CACNA1C: variants seen among roughly 807,000 people sequenced by gnomAD.
CACNA1C encodes the protein voltage-dependent L-type calcium channel subunit alpha-1C.
Under a neutral mutation model 229.0 loss-of-function variants are expected in CACNA1C, and 30 were observed. That is an observed-to-expected ratio of 0.13 (90% CI 0.10 to 0.18). The LOEUF (loss-of-function observed/expected upper bound fraction) is 0.18. CACNA1C is among the 10% of genes least tolerant of loss of function. The pLI, the probability that CACNA1C is intolerant of heterozygous loss-of-function variation, is 1.00. For synonymous variants in CACNA1C, 1,114 were observed against 1,132.5 expected (o/e 0.98, Z 0.33); for missense variants, 1,658 against 2,845.0 (o/e 0.58, Z 9.49).
chr12:2,561,863 G>A (rs973473812), intron 11 of CACNA1C, among the ~76,000 whole-genome samples: 9 of 152,146 alleles, frequency 5.9e-5, no homozygotes, highest in African/African-American at 2.2e-4. Flanking sequence ...TGAATAGCAG[G>A]CAAATTTCTC....
chr12:2,585,448 T>A lies in CACNA1C; in HGVS notation c.2412T>A (p.Ile804=), dbSNP rs1568589524. 1 of 1,598,504 alleles carries A rather than the reference T, an allele frequency of 6.3e-7. No homozygotes were observed. Among genetic ancestry groups the A allele is most frequent in the Non-Finnish European group, 8.5e-7 (1 of 1,171,994 alleles). ...PAVGESKEEK[I]ELKSITADGE... ...TGGGGGAATCCAAGGAGGAGAAGATTGAGCTGAAATCCATCACGGCTGACG... is the reference window on the plus strand; with the variant it reads ...TGGGGGAATCCAAGGAGGAGAAGATAGAGCTGAAATCCATCACGGCTGACG... Residue 804 remains isoleucine, a synonymous_variant, in exon 17 of 47, where the codon ATT becomes ATA. Transcript: ENST00000399655. This position sits in a 1 kb window ranked among gnomAD's most constrained non-coding sequence, Gnocchi z 4.1.
chr12:2,018,280 A>C (rs1450906250), intron 1 of CACNA1C: 1 of 152,270 alleles, frequency 6.6e-6, no homozygotes, highest in Non-Finnish European at 1.5e-5. Context: ...CAACCTTGAG[A>C]GCAAAGGGAA....
intron 9 of CACNA1C, among the ~76,000 whole-genome samples, chr12:2,526,988 TAAAAG>T (rs1306927285): frequency 6.6e-6 from 1 of 152,260 alleles, no homozygotes; most frequent in South Asian, 2.1e-4. Flanking sequence ...TGAATTTTGA[TAAAAG>T]AGAAATTTAA....
At chr12:2,106,734 A>T in intron 1 of CACNA1C, among the ~76,000 whole-genome samples, 1 of 121,512 alleles carries the variant, frequency 8.2e-6, no homozygotes, top group Non-Finnish European at 1.7e-5. Context: ...GGGCGTCCTG[A>T]AGCCACTGGG....
At chr12:2,388,906 G>T (rs1361475088) in intron 3 of CACNA1C, among the ~76,000 whole-genome samples, 1 of 152,194 alleles carries the variant, frequency 6.6e-6, no homozygotes, top group Non-Finnish European at 1.5e-5. Flanking sequence ...GAGTCACTTA[G>T]AAATTCAGTT....
At chr12:2,485,844 C>T (rs2099695484) in intron 5 of CACNA1C, among the ~76,000 whole-genome samples, 1 of 152,166 alleles carries the variant, frequency 6.6e-6, no homozygotes, top group South Asian at 2.1e-4. Context: ...ATGGAAACAA[C>T]ATGTTCTTCC....
rs891578089 is a variant in CACNA1C at position 1,991,550 on chromosome 12, C to CT, written c.139+20359dup. 2,028 of 223,134 alleles carry CT rather than the reference C, an allele frequency of 9.1e-3. 8 individuals carry two copies. The highest frequency in any genetic ancestry group is 0.017 in the African/African-American group (709 of 41,362). The allele number at this position is 223,134 out of a possible 1,614,324, so 13.8% of individuals were successfully genotyped here. A position where few individuals can be genotyped will look rare whatever the true frequency, so the allele number is the denominator to read the frequency against. On this transcript the variant is annotated intron_variant, in intron 1 of 46. Transcript: ENST00000682462. ...AATAATTAATAATTGAGGTTTTTTCCTTTTTTTTTTGCACTGTCTGACAGT... is the reference window on the plus strand; with the variant it reads ...AATAATTAATAATTGAGGTTTTTTCCTTTTTTTTTTTGCACTGTCTGACAGT...
chr12:2,439,187 G>A (rs1350764547), intron 3 of CACNA1C, among the ~76,000 whole-genome samples: 1 of 152,202 alleles, frequency 6.6e-6, no homozygotes, highest in African/African-American at 2.4e-5. Context: ...GAGGTCAGTG[G>A]AGAAGGGGCT....
chr12:2,438,374 G>GTGATGGTGGTGGTGT (rs2099175497), intron 3 of CACNA1C, among the ~76,000 whole-genome samples: 1 of 146,252 alleles, frequency 6.8e-6, no homozygotes, highest in African/African-American at 2.5e-5. Flanking sequence ...GGTGGTGGTG[G>GTGATGGTGGTGGTGT]TGATGGTGGT....
At chr12:2,241,216 G>A (rs944026564) in intron 3 of CACNA1C, among the ~76,000 whole-genome samples, 2 of 151,990 alleles carry the variant, frequency 1.3e-5, no homozygotes, top group African/African-American at 2.4e-5. Flanking sequence ...ATGTCCCCGC[G>A]CTGGCCTGGC....
Position 2,597,558 on chromosome 12 carries a change from C to A in CACNA1C, c.2853+269C>A. The A allele has an allele frequency of 9.4e-7, 1 of 1,065,082 alleles. No individual in the cohort carries two copies. Among genetic ancestry groups the A allele is most frequent in the Non-Finnish European group, 1.5e-6 (1 of 684,276 alleles). The allele number at this position is 1,065,082 out of a possible 1,614,324, so 66.0% of individuals were successfully genotyped here. On this transcript the variant is annotated intron_variant, in intron 21 of 46. Transcript: ENST00000399655. This position sits in a 1 kb window ranked among gnomAD's most constrained non-coding sequence, Gnocchi z 4.3. ...CTTTGTCTATCTCTGCTCTGTGTGG[C>A]TGGATCTTTTGTCTTTTCTGTTTCT...
chr12:2,435,897 C>T (rs1475410676), intron 3 of CACNA1C, among the ~76,000 whole-genome samples: 3 of 152,202 alleles, frequency 2.0e-5, no homozygotes, highest in Non-Finnish European at 4.4e-5. Context: ...TACCAACATC[C>T]CAAACGAGCA....
intron 5 of CACNA1C, among the ~76,000 whole-genome samples, chr12:2,471,450 T>G (rs2099591942): frequency 6.6e-6 from 1 of 152,246 alleles, no homozygotes; most frequent in African/African-American, 2.4e-5. Flanking sequence ...CAAGTTCCCT[T>G]CTGGTATCAT....
rs2098801056 is a variant in CACNA1C, at chr12:2,410,969, T to TGG, written c.478-38006_478-38005insGG. On this transcript the variant is annotated intron_variant, in intron 3 of 46. Transcript: ENST00000399655. This position sits in a 1 kb window ranked among gnomAD's most constrained non-coding sequence, Gnocchi z 5.3. ...CTCATCTTTCTCTCCCTACTCCCCT[T>TGG]GCAGCATGAGAGGCCCAGTACCTGT... Among the ~76,000 whole-genome samples, 1 of 152,026 alleles carries TGG rather than the reference T, an allele frequency of 6.6e-6. No homozygotes were observed. The highest frequency in any genetic ancestry group is 6.6e-5 in the Admixed American group (1 of 15,236).
rs111557647 is a variant in CACNA1C, at chr12:2,394,282, C to T, written c.478-54694C>T. 5.1e-3 allele frequency among the ~76,000 whole-genome samples: 770 copies of T among 152,284 alleles called. 4 individuals carry two copies. Among genetic ancestry groups the T allele is most frequent in the South Asian group, 0.028 (134 of 4,814 alleles). ...TCTGGTATGGACGCAGGAGCTGGTC[C>T]CTGGCCCACAGGAGAAACTTGGACA... On this transcript the variant is annotated intron_variant, in intron 3 of 46. Coordinates refer to ENST00000399655, the MANE Select transcript of CACNA1C (RefSeq NM_000719.7).
At chr12:2,179,662 C>A (rs552688367) in intron 3 of CACNA1C, among the ~76,000 whole-genome samples, 4 of 152,226 alleles carry the variant, frequency 2.6e-5, no homozygotes, top group African/African-American at 9.6e-5. Context: ...AGAAGGATGT[C>A]CAGAGGAAGG....
intron 1 of CACNA1C, among the ~76,000 whole-genome samples, chr12:2,063,371 C>T (rs2058234862): frequency 6.6e-6 from 1 of 152,138 alleles, no homozygotes; most frequent in South Asian, 2.1e-4. Context: ...AGGATGGTCT[C>T]CATCTCCTGA....
At chr12:2,415,383 G>A (rs950036780) in intron 3 of CACNA1C, among the ~76,000 whole-genome samples, 21 of 152,208 alleles carry the variant, frequency 1.4e-4, no homozygotes, top group African/African-American at 4.8e-4. Flanking sequence ...CAAGCCTCCC[G>A]TGGAGGCCGC....
chr12:2,290,158 C>T (rs1040334085), intron 3 of CACNA1C, among the ~76,000 whole-genome samples: 4 of 152,298 alleles, frequency 2.6e-5, no homozygotes, highest in East Asian at 1.9e-4. Flanking sequence ...TTAATTGGCC[C>T]GGCAGAGCTG....
Sources: gnomAD v4.1 joint callset for allele counts (sites outside exome capture counted in the v4.1 genomes callset) on GRCh38, gnomAD v4.1.1 for gene constraint, Gnocchi (gnomAD v3.1) non-coding constraint, MANE v1.5 for transcripts, NCBI Gene and HGNC (gene_info 2026-07-23, HGNC 2026-07-21) for gene names.